PHACTR1: variants seen among roughly 807,000 people sequenced by gnomAD.
PHACTR1 encodes RPEL repeat containing 1.
A neutral mutation model predicts 69.2 loss-of-function variants in PHACTR1; 16 were observed. The ratio of observed to expected loss-of-function variants is 0.23; its 90% CI spans 0.16 to 0.35. The LOEUF (loss-of-function observed/expected upper bound fraction) is 0.35. Ranked by LOEUF, PHACTR1 falls within the 10% of genes least tolerant of loss-of-function variation. PHACTR1 has a pLI of 1.00. For missense variants in PHACTR1, 510 were observed against 734.7 expected (o/e 0.69, Z 3.54); for synonymous variants, 312 against 284.5 (o/e 1.10, Z -0.97).
intron 2 of PHACTR1, among the ~76,000 whole-genome samples, chr6:12,718,115 C>G (rs1418436543): frequency 1.3e-5 from 2 of 152,178 alleles, no homozygotes; most frequent in Non-Finnish European, 2.9e-5. Context: ...AAAAATCAGC[C>G]CCTGCCAGGC....
rs528350476 is a variant in PHACTR1, at chr6:13,223,629, A to G, written c.987-4187A>G. Among the ~76,000 whole-genome samples the G allele has an allele frequency of 4.6e-5, 7 of 152,292 alleles. No homozygotes were observed. The South Asian group carries it at 1.5e-3, about 32-fold the overall frequency. ...CACATCTCATAAGTATCACAGTTCA[A>G]CTTTTGCATGCAGAATTTGTAATAC... On this transcript the variant is annotated intron_variant, in intron 8 of 14. Transcript: ENST00000332995.
intron 4 of PHACTR1, among the ~76,000 whole-genome samples, chr6:12,916,530 G>A (rs1195700676): frequency 1.4e-5 from 2 of 144,094 alleles, no homozygotes; most frequent in Admixed American, 7.4e-5. Flanking sequence ...TACACTAGAG[G>A]GCATGGACTG....
At chr6:12,743,031 A>T (rs1765252469) in intron 3 of PHACTR1, among the ~76,000 whole-genome samples, 1 of 152,176 alleles carries the variant, frequency 6.6e-6, no homozygotes, top group Non-Finnish European at 1.5e-5. Flanking sequence ...AACCAACCTG[A>T]TATGGAGTCA....
chr6:13,081,026 A>G (rs1347924772), intron 5 of PHACTR1, among the ~76,000 whole-genome samples: 1 of 152,214 alleles, frequency 6.6e-6, no homozygotes, highest in Non-Finnish European at 1.5e-5. Flanking sequence ...TGAATAACCA[A>G]TGGATTATTT....
intron 4 of PHACTR1, among the ~76,000 whole-genome samples, chr6:12,796,485 T>G (rs749157793): frequency 1.3e-5 from 2 of 152,252 alleles, no homozygotes; most frequent in Non-Finnish European, 2.9e-5. Flanking sequence ...AAGATGCCTC[T>G]GCAAAATGAA....
At chr6:13,200,968 T>TA (rs956848911) in intron 7 of PHACTR1, among the ~76,000 whole-genome samples, 6 of 149,682 alleles carry the variant, frequency 4.0e-5, no homozygotes, top group African/African-American at 1.5e-4. Flanking sequence ...AGAAAAAAAT[T>TA]AAAAAAAGAA....
chr6:12,970,584 T>C (rs1794078768), intron 4 of PHACTR1, among the ~76,000 whole-genome samples: 1 of 152,108 alleles, frequency 6.6e-6, no homozygotes, highest in African/African-American at 2.4e-5. Context: ...CATGAAACCC[T>C]GTGTCTACTA....
At chr6:12,717,974 A>G (rs1039917214) in intron 2 of PHACTR1, among the ~76,000 whole-genome samples, 1 of 152,202 alleles carries the variant, frequency 6.6e-6, no homozygotes, top group Non-Finnish European at 1.5e-5. Flanking sequence ...TAGGCTTGAA[A>G]AAAGAACCCA....
intron 10 of PHACTR1, among the ~76,000 whole-genome samples, chr6:13,231,071 GGAA>G (rs1240716109): frequency 9.6e-4 from 13 of 13,602 alleles, no homozygotes; most frequent in Middle Eastern, 0.1. Context: ...AAGGAAGGAA[GGAA>G]GGAAGGAAGG....
chr6:12,815,812 A>G (rs1775515532), intron 4 of PHACTR1, among the ~76,000 whole-genome samples: 1 of 152,162 alleles, frequency 6.6e-6, no homozygotes, highest in Non-Finnish European at 1.5e-5. Flanking sequence ...AGTAGGTAGT[A>G]CCTTTCCACA....
At chr6:12,925,043 C>T (rs9472984) in intron 4 of PHACTR1, among the ~76,000 whole-genome samples, 1,987 of 152,268 alleles carry the variant, frequency 0.013, 47 homozygotes, top group African/African-American at 0.045. Context: ...CATTCAGATC[C>T]ATCACCTAAG....
chr6:13,077,112 A>C (rs1293478849), intron 5 of PHACTR1, among the ~76,000 whole-genome samples: 2 of 146,604 alleles, frequency 1.4e-5, no homozygotes, highest in East Asian at 3.9e-4. Flanking sequence ...ATAAAGTACA[A>C]AAAAAAACAC....
At chr6:13,244,327 C>T (rs531298529) in intron 10 of PHACTR1, among the ~76,000 whole-genome samples, 80 of 152,154 alleles carry the variant, frequency 5.3e-4, no homozygotes, top group African/African-American at 1.7e-3. Context: ...AGCTGCCAGG[C>T]GAAATTAAAA....
intron 5 of PHACTR1, among the ~76,000 whole-genome samples, chr6:13,146,756 A>G (rs1468055422): frequency 6.6e-6 from 1 of 152,220 alleles, no homozygotes; most frequent in African/African-American, 2.4e-5. Context: ...GGTGTCTGGA[A>G]TGAAATACAG....
chr6:12,830,353 A>G (rs994671496), intron 4 of PHACTR1, among the ~76,000 whole-genome samples: 26 of 150,718 alleles, frequency 1.7e-4, no homozygotes, highest in Non-Finnish European at 3.4e-4. Context: ...AAAAGCTGTG[A>G]AAAAGGCATT....
At chr6:13,270,904 A>G (rs1323057602) in intron 10 of PHACTR1, among the ~76,000 whole-genome samples, 12 of 152,160 alleles carry the variant, frequency 7.9e-5, no homozygotes, top group Non-Finnish European at 1.6e-4. Context: ...GCCTCAGGAA[A>G]CTTCCAATCA....
At position 12,875,753 on chromosome 6, in the gene PHACTR1, T is replaced by A. The variant is rs1782468049; in HGVS notation, c.250+125963T>A. 2.0e-5 allele frequency among the ~76,000 whole-genome samples: 3 copies of A among 152,204 alleles called. No homozygotes were observed. The South Asian group carries it at 6.2e-4, about 32-fold the overall frequency. On this transcript the variant is annotated intron_variant, in intron 4 of 14. Coordinates refer to ENST00000332995, the MANE Select transcript of PHACTR1 (RefSeq NM_030948.6). ...TCCAGTTAATGGAGAATTTGCTAGA[T>A]AAACCTGGCTTGTGTTGTCAATATT...
chr6:12,752,408 T>G (rs1285581558), intron 4 of PHACTR1, among the ~76,000 whole-genome samples: 1 of 152,210 alleles, frequency 6.6e-6, no homozygotes, highest in Non-Finnish European at 1.5e-5. Context: ...TATGAACACT[T>G]AAGCAAGTCC....
intron 4 of PHACTR1, among the ~76,000 whole-genome samples, chr6:12,840,075 G>A (rs575963567): frequency 1.3e-5 from 2 of 152,150 alleles, no homozygotes; most frequent in Admixed American, 6.5e-5. Flanking sequence ...CTGCTACCCA[G>A]GCATCAAGCA....
Sources: allele counts gnomAD v4.1 joint callset (sites outside exome capture counted in the v4.1 genomes callset), GRCh38; gene constraint gnomAD v4.1.1; transcripts MANE v1.5; gene names NCBI Gene and HGNC (gene_info 2026-07-23, HGNC 2026-07-21).